The following VAV2 variants were observed in gnomAD, a reference collection of about 807,000 sequenced individuals.
VAV2 encodes guanine nucleotide exchange factor VAV2.
VAV2 carries 67 observed loss-of-function variants against 132.5 expected under a neutral mutation model. That is an observed-to-expected ratio of 0.51 (90% CI 0.42 to 0.62). The LOEUF is 0.62. Among genes scored for constraint, VAV2 ranks in the 20% least tolerant of loss-of-function variants. VAV2 has a pLI of 0.00. For synonymous variants in VAV2, 492 were observed against 443.5 expected, an observed-to-expected ratio of 1.11 and a Z score of -1.37; for missense variants, 938 against 1,153.6, an observed-to-expected ratio of 0.81 and a Z score of 2.71.
intron 2 of VAV2, among the ~76,000 whole-genome samples, chr9:133,888,474 C>T (rs943285801): frequency 2.0e-5 from 3 of 152,214 alleles, no homozygotes; most frequent in Admixed American, 6.5e-5. Flanking sequence ...AGGCCAAACA[C>T]GGACAGGCAG....
intron 22 of VAV2, 53 bp downstream of exon 22, chr9:133,778,709 C>G: frequency 6.3e-7 from 1 of 1,599,748 alleles, no homozygotes; most frequent in Middle Eastern, 1.8e-4. Flanking sequence ...CCCCAGGGAG[C>G]AGGGAGGAGC....
At chr9:133,795,942 C>T (rs566157490) in intron 11 of VAV2, among the ~76,000 whole-genome samples, 4 of 152,324 alleles carry the variant, frequency 2.6e-5, no homozygotes, top group South Asian at 2.1e-4. Flanking sequence ...TTGGCAGGGG[C>T]GCTCCCAAAC....
At chr9:133,865,807 G>A (rs972886832) in intron 2 of VAV2, among the ~76,000 whole-genome samples, 2 of 152,222 alleles carry the variant, frequency 1.3e-5, no homozygotes, top group African/African-American at 4.8e-5. Context: ...GTTCTATGCT[G>A]TAAGTGCATC....
chr9:133,810,575 C>A (rs1038311562), intron 5 of VAV2, among the ~76,000 whole-genome samples: 1 of 152,124 alleles, frequency 6.6e-6, no homozygotes, highest in African/African-American at 2.4e-5. Flanking sequence ...CTGCCCCTTG[C>A]CCCCAGCCCC....
intron 3 of VAV2, 28 bp downstream of exon 3, chr9:133,861,346 C>A: frequency 1.2e-6 from 2 of 1,600,058 alleles, no homozygotes; most frequent in Non-Finnish European, 1.7e-6. Flanking sequence ...AAGGACCCGG[C>A]CTTGGCAGCG....
intron 2 of VAV2, among the ~76,000 whole-genome samples, chr9:133,901,034 A>C (rs1839421657): frequency 6.6e-6 from 1 of 152,030 alleles, no homozygotes; most frequent in South Asian, 2.1e-4. Context: ...TCCTGACCTC[A>C]GGTGATCTGC....
chr9:133,966,407 G>C (rs1187475373), intron 1 of VAV2, among the ~76,000 whole-genome samples: 1 of 152,188 alleles, frequency 6.6e-6, no homozygotes, highest in Admixed American at 6.5e-5. Flanking sequence ...TTAATAACCA[G>C]AATACATAAA....
intron 1 of VAV2, among the ~76,000 whole-genome samples, chr9:133,947,024 A>G (rs1381218829): frequency 6.6e-6 from 1 of 152,198 alleles, no homozygotes; most frequent in African/African-American, 2.4e-5. Flanking sequence ...CAAATGAATG[A>G]ATGTCTAGGA....
Position 133,961,207 on chromosome 9 carries a change from A to G in VAV2, c.205-21988T>C, listed in dbSNP as rs984565929. Among the ~76,000 whole-genome samples, 4 of 152,216 alleles carry G rather than the reference A, an allele frequency of 2.6e-5. No homozygotes were observed. Among genetic ancestry groups the G allele is most frequent in the African/African-American group, 9.6e-5 (4 of 41,452 alleles). ...AGAAACAATCACTGCAGTCCAACAG[A>G]ATAGTCAACCTTTTGATCTCAGAGG... is the stretch of plus-strand genomic sequence containing the variant. On this transcript the variant is annotated intron_variant, in intron 1 of 29. Coordinates refer to ENST00000371850, the MANE Select transcript of VAV2 (RefSeq NM_001134398.2). This position sits in a 1 kb window ranked among gnomAD's most constrained non-coding sequence, Gnocchi z 4.1.
chr9:133,927,719 A>G (rs1212555386), intron 2 of VAV2: 1 of 152,400 alleles, frequency 6.6e-6, no homozygotes, highest in Non-Finnish European at 1.5e-5. Context: ...ATAAAAAGCC[A>G]ACAGTAATGA....
rs963838479 is a variant in VAV2 at position 133,823,191 on chromosome 9, G to C, written c.450-10975C>G. On this transcript the variant is annotated intron_variant, in intron 4 of 29. Transcript: ENST00000371850. This position sits in a 1 kb window ranked among gnomAD's most constrained non-coding sequence, Gnocchi z 5.5. Reference sequence around the variant, plus strand: ...AGGCCTAGTTAGGTGTCCTCTCTGTGCTCTGCTCCTTTATGAATGACCCTT... The same window carrying C: ...AGGCCTAGTTAGGTGTCCTCTCTGTCCTCTGCTCCTTTATGAATGACCCTT... Among the ~76,000 whole-genome samples, 4 of 152,232 alleles carry C rather than the reference G, an allele frequency of 2.6e-5. No individual in the cohort carries two copies. Among genetic ancestry groups the C allele is most frequent in the Non-Finnish European group, 2.9e-5 (2 of 68,046 alleles).
Position 133,794,492 on chromosome 9 carries a change from C to T in VAV2, c.1101+1176G>A, listed in dbSNP as rs1588184428. ...CCGGCGGCCAAGCACTGGCCCCACT[C>T]CCGTCCCAGCCCAACAGCAGCTATA... On this transcript the variant is annotated intron_variant, in intron 12 of 29. Transcript: ENST00000371850. The surrounding 1 kb of genome is among the most constrained non-coding windows in gnomAD (Gnocchi z 4.6). Among the ~76,000 whole-genome samples the T allele has an allele frequency of 6.6e-6, 1 of 152,342 alleles. No individual in the cohort carries two copies. Among genetic ancestry groups the T allele is most frequent in the Non-Finnish European group, 1.5e-5 (1 of 68,028 alleles).
intron 4 of VAV2, among the ~76,000 whole-genome samples, chr9:133,820,532 A>C (rs112698876): frequency 3.3e-5 from 5 of 152,074 alleles, no homozygotes; most frequent in African/African-American, 9.6e-5. Context: ...TCACTGTGTT[A>C]GCCAGGATGG....
Position 133,806,165 on chromosome 9 carries a change from T to G in VAV2, c.752A>C (p.His251Pro). The G allele has an allele frequency of 6.2e-7, 1 of 1,612,538 alleles. No individual in the cohort carries two copies. The highest frequency in any genetic ancestry group is 8.5e-7 in the Non-Finnish European group (1 of 1,179,828). ...FINLEDLIKV[H>P]HSFLRAIDVS... ...GTCGATGGCCCTCAGGAAGCTGTGA[T>G]GCACCTTGATCAGGTCCTGGGTTGA... Residue 251 changes from histidine to proline, a missense_variant, in exon 9 of 30, where the codon CAT becomes CCT. His to Pro is a moderately conservative substitution (Grantham distance 77). Transcript: ENST00000371850.
chr9:133,827,328 CTGGGGCTGACCACTGAGCGG>C (rs1564384320), intron 4 of VAV2, among the ~76,000 whole-genome samples: 26 of 17,746 alleles, frequency 1.5e-3, no homozygotes, highest in African/African-American at 0.013. Flanking sequence ...GCTGTGCCCA[CTGGGGCTGACCACTGAGCGG>C]GGGCATCACC....
chr9:133,810,265 G>C, intron 5 of VAV2, 60 bp from the exon 6 acceptor site: 1 of 1,609,332 alleles, frequency 6.2e-7, no homozygotes, highest in Middle Eastern at 1.7e-4. Flanking sequence ...CACTGTCCTG[G>C]CAAGCTGGGC....
chr9:133,939,264 AC>A (rs1841043665), intron 1 of VAV2, 45 bp from the exon 2 acceptor site: 2 of 1,553,726 alleles, frequency 1.3e-6, no homozygotes, highest in Non-Finnish European at 1.8e-6. Context: ...ACTTATTAAA[AC>A]TGTAAGCTCT....
At chr9:133,984,279 CTG>C (rs60471844) in intron 1 of VAV2, among the ~76,000 whole-genome samples, 22,210 of 151,658 alleles carry the variant, frequency 0.15, 1,724 homozygotes, top group African/African-American at 0.19. Context: ...TAGTCTGTCT[CTG>C]TGTTTTGTGT....
At position 133,763,815 on chromosome 9, in the gene VAV2, C is replaced by T. The variant is rs1040422507; in HGVS notation, c.*247G>A. ...AGCGCTGTCGGTGCCCCCTCCTCTG[C>T]GCTCTGGGTGGGGCTAGCCCAGGTT... On this transcript the variant is annotated 3_prime_UTR_variant, in exon 30 of 30. Transcript: ENST00000371850. The surrounding 1 kb of genome is among the most constrained non-coding windows in gnomAD (Gnocchi z 6.8). 7 of 525,936 alleles carry T rather than the reference C, an allele frequency of 1.3e-5. No individual in the cohort carries two copies. The highest frequency in any genetic ancestry group is 3.9e-5 in the African/African-American group (2 of 51,852). The allele number at this position is 525,936 out of a possible 1,614,324, so 32.6% of individuals were successfully genotyped here. A position where few individuals can be genotyped will look rare whatever the true frequency, so the allele number is the denominator to read the frequency against.
Sources: gnomAD v4.1 joint callset for allele counts (sites outside exome capture counted in the v4.1 genomes callset) on GRCh38, gnomAD v4.1.1 for gene constraint, Gnocchi (gnomAD v3.1) non-coding constraint, MANE v1.5 for transcripts, NCBI Gene and HGNC (gene_info 2026-07-23, HGNC 2026-07-21) for gene names.